ZNF302: variants seen among roughly 807,000 people sequenced by gnomAD.
ZNF302 encodes the protein zinc finger protein 327.
Under a neutral mutation model 10.8 loss-of-function variants are expected in ZNF302, and 12 were observed. The observed-to-expected ratio is 1.11, with a 90% CI of 0.71 to 1.79. The LOEUF (loss-of-function observed/expected upper bound fraction) is 1.79. Among genes scored for constraint, ZNF302 ranks in the 40% most tolerant of loss-of-function variants. The pLI is 0.00. For synonymous variants in ZNF302, 178 were observed against 157.5 expected (o/e 1.13, Z -0.98); for missense variants, 461 against 471.1 (o/e 0.98, Z 0.20).
At chr19:34,683,345 G>A in intron 4 of ZNF302, 107 bp downstream of exon 4, 1 of 1,301,932 alleles carries the variant, frequency 7.7e-7, no homozygotes, top group South Asian at 1.4e-5. Flanking sequence ...AAAGATCTCA[G>A]ATAGAAATGA....
At chr19:34,681,473 T>A (rs951541476) in intron 2 of ZNF302, 2 of 152,236 alleles carry the variant, frequency 1.3e-5, no homozygotes, top group Non-Finnish European at 2.9e-5. Flanking sequence ...CTCAACCTTT[T>A]TGACACCAGG....
At chr19:34,680,607 A>G (rs1897256023) in intron 2 of ZNF302, among the ~76,000 whole-genome samples, 2 of 152,228 alleles carry the variant, frequency 1.3e-5, no homozygotes, top group Non-Finnish European at 1.5e-5. Flanking sequence ...TAGATATCCT[A>G]TGTTCTTTTG....
At chr19:34,676,133 TTACAGAGTGC>T (rs2067937589), upstream of ZNF302, 1 of 152,234 alleles carries the variant, frequency 6.6e-6, no homozygotes, top group Non-Finnish European at 1.5e-5. Flanking sequence ...TTGGTCTATT[TTACAGAGTGC>T]TGTTTGGTCC....
At chr19:34,677,673 A>G (rs547868320), upstream of ZNF302, 5 of 152,488 alleles carry the variant, frequency 3.3e-5, no homozygotes, top group African/African-American at 1.2e-4. Flanking sequence ...TGGGCGGTGC[A>G]CTGGGTCAGT....
At chr19:34,678,431 CAA>C (rs11441977) in intron 1 of ZNF302, among the ~76,000 whole-genome samples, 3 of 115,272 alleles carry the variant, frequency 2.6e-5, no homozygotes, top group East Asian at 2.5e-4. Context: ...GACTCCGTCT[CAA>C]AAAAAAAAAA....
rs371493233 is a variant in ZNF302, at chr19:34,684,415, C to T, written c.378C>T (p.Ser126=). The change falls in exon 5 of 5, where the codon AGC becomes AGT. Residue 126 remains serine, a synonymous_variant. Transcript: ENST00000505242. The part of the protein sequence containing the change: ...LEYTECDTFR[S]TFHSKSTLSE... The stretch of plus-strand genomic sequence containing the variant: ...ATACAGAATGCGACACATTTAGAAG[C>T]ACCTTTCATTCAAAGTCTACTCTTT... The T allele has an allele frequency of 1.2e-6, 2 of 1,612,592 alleles. No individual in the cohort carries two copies. Among genetic ancestry groups the T allele is most frequent in the Non-Finnish European group, 1.7e-6 (2 of 1,179,288 alleles).
chr19:34,680,334 C>CT (rs1244770241), intron 2 of ZNF302, among the ~76,000 whole-genome samples: 1 of 152,116 alleles, frequency 6.6e-6, no homozygotes, highest in African/African-American at 2.4e-5. Flanking sequence ...GCAGTATTGT[C>CT]TAAGAGAACT....
In ZNF302 at chr19:34,684,558, T is replaced by C. The variant is rs777773250; in HGVS notation, c.521T>C (p.Leu174Ser). The C allele has an allele frequency of 2.4e-5, 38 of 1,613,706 alleles. No individual in the cohort carries two copies. The highest frequency in any genetic ancestry group is 5.3e-5 in the African/African-American group (4 of 74,914). Reference sequence around the variant, plus strand: ...AGAATAAATGGTGGAAAGAAACTTTTAAATTCTAATAAAAGTGGGGCAGCC... The same window carrying C: ...AGAATAAATGGTGGAAAGAAACTTTCAAATTCTAATAAAAGTGGGGCAGCC... Reference protein sequence around the residue: ...SERINGGKKLLNSNKSGAAFN... With the variant: ...SERINGGKKLSNSNKSGAAFN... The change falls in exon 5 of 5, where the codon TTA becomes TCA. Residue 174 changes from leucine (L) to serine (S), a missense_variant. By Grantham distance (145) the Leu-to-Ser change is moderately radical. Transcript: ENST00000505242.
chr19:34,682,985 A>G (rs1250888627), intron 3 of ZNF302, 88 bp downstream of exon 3: 2 of 1,587,340 alleles, frequency 1.3e-6, no homozygotes, highest in Non-Finnish European at 1.7e-6. Context: ...TAAATGGCTG[A>G]ATTTCTGTAC....
Position 34,684,845 on chromosome 19 carries a change from T to A in ZNF302, c.808T>A (p.Ser270Thr), listed in dbSNP as rs374122511. Residue 270 changes from serine to threonine, a missense_variant, in exon 5 of 5, where the codon TCA becomes ACA. Ser to Thr is a moderately conservative substitution (Grantham distance 58, BLOSUM62 1). Coordinates refer to ENST00000505242, the MANE Select transcript of ZNF302 (RefSeq NM_001289187.2). ...IECGKAFSHG[S>T]SLTNHQSTHT... is the part of the protein sequence containing the mutation. ...ATGTGGGAAGGCCTTTAGCCATGGC[T>A]CATCACTTACTAACCATCAGAGCAC... is the stretch of plus-strand genomic sequence containing the variant. 4.4e-5 allele frequency: 71 copies of A among 1,613,738 alleles called. No homozygotes were observed. The African/African-American group carries it at 8.4e-4, about 19-fold the overall frequency.
intron 3 of ZNF302, 91 bp downstream of exon 3, chr19:34,682,988 T>A (rs1202541653): frequency 6.3e-7 from 1 of 1,583,720 alleles, no homozygotes; most frequent in African/African-American, 1.4e-5. Context: ...ATGGCTGAAT[T>A]TCTGTACCAT....
At position 34,684,851 on chromosome 19, in the gene ZNF302, C is replaced by T; in HGVS notation, c.814C>T (p.Leu272Phe). The change falls in exon 5 of 5, where the codon CTT becomes TTT. Residue 272 changes from leucine (L) to phenylalanine (F), a missense_variant. By Grantham distance (22) the Leu-to-Phe change is conservative. Coordinates refer to ENST00000505242, the MANE Select transcript of ZNF302 (RefSeq NM_001289187.2). Reference sequence around the variant, plus strand: ...GAAGGCCTTTAGCCATGGCTCATCACTTACTAACCATCAGAGCACTCACAC... The same window carrying T: ...GAAGGCCTTTAGCCATGGCTCATCATTTACTAACCATCAGAGCACTCACAC... ...CGKAFSHGSS[L>F]TNHQSTHTGE... The T allele has an allele frequency of 6.2e-7, 1 of 1,613,802 alleles. No homozygotes were observed. Among genetic ancestry groups the T allele is most frequent in the Non-Finnish European group, 8.5e-7 (1 of 1,179,758 alleles).
chr19:34,685,596 A>G lies in ZNF302; in HGVS notation c.*359A>G. On this transcript the variant is annotated 3_prime_UTR_variant, in exon 5 of 5. Coordinates refer to ENST00000505242, the MANE Select transcript of ZNF302 (RefSeq NM_001289187.2). ...GTAAGTGTGGAAAAGCCTTTAGATCATATGAATCCCTATACATGTGAGAAA... is the reference window on the plus strand; with the variant it reads ...GTAAGTGTGGAAAAGCCTTTAGATCGTATGAATCCCTATACATGTGAGAAA... 7.8e-7 allele frequency: 1 copy of G among 1,287,198 alleles called. No homozygotes were observed. The highest frequency in any genetic ancestry group is 1.1e-6 in the Non-Finnish European group (1 of 887,296). 79.7% of individuals were successfully genotyped at this position (1,287,198 alleles called of 1,614,324 possible).
In ZNF302 at chr19:34,677,908, G is replaced by A. The variant is rs1396577557; in HGVS notation, c.-264G>A. On this transcript the variant is annotated 5_prime_UTR_variant, in exon 1 of 5. Coordinates refer to ENST00000505242, the MANE Select transcript of ZNF302 (RefSeq NM_001289187.2). ...GGCTAAGGCCCTGGGTCCGCGCGCG[G>A]TTTGACCACGGCCGGGGCCTTGGGC... 1 of 152,304 alleles carries A rather than the reference G, an allele frequency of 6.6e-6. No homozygotes were observed. The highest frequency in any genetic ancestry group is 1.5e-5 in the Non-Finnish European group (1 of 68,084). 9.4% of individuals were successfully genotyped at this position (152,304 alleles called of 1,614,324 possible). A position where few individuals can be genotyped will look rare whatever the true frequency, so the allele number is the denominator to read the frequency against.
rs1176533606 is a variant in ZNF302 at position 34,685,107 on chromosome 19, C to T, written c.1070C>T (p.Thr357Ile). 4 of 1,612,776 alleles carry T rather than the reference C, an allele frequency of 2.5e-6. No individual in the cohort carries two copies. The Admixed American group carries it at 5.0e-5, about 20-fold the overall frequency. The change falls in exon 5 of 5, where the codon ACT (threonine) becomes ATT (isoleucine). Residue 357 changes from threonine to isoleucine, a missense_variant. Physicochemically the swap from Thr to Ile is moderately conservative, Grantham distance 89 (BLOSUM62 -1). Transcript: ENST00000505242. ...GKAFCCSSHL[T>I]QHQRIHSMKK... Reference sequence around the variant, plus strand: ...GCTTTCTGCTGTAGCTCACACCTTACTCAACATCAAAGAATTCACAGTATG... The same window carrying T: ...GCTTTCTGCTGTAGCTCACACCTTATTCAACATCAAAGAATTCACAGTATG...
chr19:34,679,434 T>G (rs1343095377), intron 2 of ZNF302, among the ~76,000 whole-genome samples: 1 of 152,230 alleles, frequency 6.6e-6, no homozygotes, highest in Non-Finnish European at 1.5e-5. Flanking sequence ...TGGTTCTAAC[T>G]GAGTCACTTC....
At chr19:34,684,131 C>T in intron 4 of ZNF302, 121 bp from the exon 5 acceptor site, 2 of 1,298,822 alleles carry the variant, frequency 1.5e-6, no homozygotes, top group Non-Finnish European at 2.0e-6. Context: ...ATTTCTTATC[C>T]AATTCTCCTA....
At chr19:34,683,365 G>T in intron 4 of ZNF302, 127 bp downstream of exon 4, 2 of 1,087,806 alleles carry the variant, frequency 1.8e-6, no homozygotes, top group Non-Finnish European at 1.3e-6. Context: ...AAAAATTGAG[G>T]GATATTTAGC....
At chr19:34,678,646 C>T (rs2068142195) in intron 1 of ZNF302, 91 bp from the exon 2 acceptor site, 5 of 681,284 alleles carry the variant, frequency 7.3e-6, no homozygotes, top group Non-Finnish European at 1.3e-5. Context: ...GAGTGATTAC[C>T]AGTGTGCTTT....
Sources: gnomAD v4.1 joint callset for allele counts (sites outside exome capture counted in the v4.1 genomes callset) on GRCh38, gnomAD v4.1.1 for gene constraint, MANE v1.5 for transcripts, NCBI Gene and HGNC (gene_info 2026-07-23, HGNC 2026-07-21) for gene names.